ARNT2: variants seen among roughly 807,000 people sequenced by gnomAD.
The protein encoded by ARNT2 is aryl hydrocarbon receptor nuclear translocator 2, also known as ARNT protein 2.
In ARNT2, 36 loss-of-function variants were observed where a neutral mutation model predicts 91.7. That is an observed-to-expected ratio of 0.39 (90% CI 0.30 to 0.52). The LOEUF is 0.52. Ranked by LOEUF, ARNT2 falls within the 20% of genes least tolerant of loss-of-function variation. ARNT2 has a pLI of 0.72. For missense variants in ARNT2, 775 were observed against 939.3 expected (o/e 0.83, Z 2.29); for synonymous variants, 365 against 347.1 (o/e 1.05, Z -0.57).
chr15:80,582,671 C>G (rs1162501293), intron 17 of ARNT2, among the ~76,000 whole-genome samples: 1 of 152,138 alleles, frequency 6.6e-6, no homozygotes, highest in African/African-American at 2.4e-5. Flanking sequence ...CAGCCTTAGT[C>G]CCATTTACTT....
intron 1 of ARNT2, among the ~76,000 whole-genome samples, chr15:80,450,600 GAAAGCTGC>G (rs1288090637): frequency 1.3e-5 from 2 of 152,238 alleles, no homozygotes; most frequent in African/African-American, 4.8e-5. Flanking sequence ...AGTCCCTTAT[GAAAGCTGC>G]TAAGCTCTTT....
chr15:80,569,012 C>T (rs1596018980), intron 12 of ARNT2, among the ~76,000 whole-genome samples: 1 of 152,214 alleles, frequency 6.6e-6, no homozygotes, highest in Non-Finnish European at 1.5e-5. Context: ...CAATTCCAAA[C>T]CCTGTAACAA....
chr15:80,487,668 C>T (rs926771152), intron 5 of ARNT2: 1 of 152,288 alleles, frequency 6.6e-6, no homozygotes, highest in South Asian at 2.1e-4. Context: ...ATAATCGGAC[C>T]CTGAAACCAG....
chr15:80,514,222 A>G, intron 7 of ARNT2, 98 bp from the exon 8 acceptor site: 2 of 1,285,210 alleles, frequency 1.6e-6, no homozygotes, highest in Non-Finnish European at 2.2e-6. Context: ...CCACAAAGGC[A>G]GACAAGGGAA....
At chr15:80,559,193 A>C (rs1898266737) in intron 11 of ARNT2, among the ~76,000 whole-genome samples, 1 of 152,244 alleles carries the variant, frequency 6.6e-6, no homozygotes, top group Non-Finnish European at 1.5e-5. Flanking sequence ...TGGTTTTGAA[A>C]AGACAAAGAA....
intron 8 of ARNT2, among the ~76,000 whole-genome samples, chr15:80,533,227 G>A (rs66923397): frequency 0.38 from 57,363 of 151,992 alleles, 11,323 homozygotes; most frequent in African/African-American, 0.45. Context: ...GAAGGAACTC[G>A]TTTGGGAACT....
chr15:80,526,477 A>G (rs1179649817), intron 8 of ARNT2, among the ~76,000 whole-genome samples: 1 of 152,234 alleles, frequency 6.6e-6, no homozygotes, highest in Non-Finnish European at 1.5e-5. Context: ...CTTCCTTTCT[A>G]GTAACCATCG....
chr15:80,533,886 A>G (rs1897780868), intron 8 of ARNT2, among the ~76,000 whole-genome samples: 1 of 152,194 alleles, frequency 6.6e-6, no homozygotes, highest in African/African-American at 2.4e-5. Context: ...GTGCCCCCTC[A>G]TTCCATTTTC....
Position 80,438,475 on chromosome 15 carries a change from A to G in ARNT2, c.32-12405A>G, listed in dbSNP as rs1195919245. 2.0e-5 allele frequency among the ~76,000 whole-genome samples: 3 copies of G among 152,248 alleles called. No individual in the cohort carries two copies. The East Asian group carries it at 5.8e-4, about 29-fold the overall frequency. Reference sequence around the variant, plus strand: ...AATAAGACTTTTTCTTGAAAGATGCATGGTCTAAACAGAAACAGGTAGAAA... The same window carrying G: ...AATAAGACTTTTTCTTGAAAGATGCGTGGTCTAAACAGAAACAGGTAGAAA... On this transcript the variant is annotated intron_variant, in intron 1 of 18. Coordinates refer to ENST00000303329, the MANE Select transcript of ARNT2 (RefSeq NM_014862.4).
chr15:80,515,185 C>T (rs1345070493), intron 8 of ARNT2, among the ~76,000 whole-genome samples: 2 of 152,186 alleles, frequency 1.3e-5, no homozygotes, highest in Non-Finnish European at 2.9e-5. Flanking sequence ...AGCATAGCCA[C>T]TTGGGAAAAC....
chr15:80,500,912 ACT>A (rs1201545198), intron 5 of ARNT2, among the ~76,000 whole-genome samples: 8 of 152,206 alleles, frequency 5.3e-5, no homozygotes, highest in African/African-American at 1.7e-4. Context: ...TACTTTGTTG[ACT>A]CATGTTATAA....
intron 4 of ARNT2, among the ~76,000 whole-genome samples, chr15:80,471,281 A>G (rs1896727707): frequency 6.6e-6 from 1 of 152,234 alleles, no homozygotes; most frequent in African/African-American, 2.4e-5. Flanking sequence ...GCAGGAACAG[A>G]AAACCAAATA....
At position 80,404,457 on chromosome 15, in the gene ARNT2, G is replaced by C; in HGVS notation, c.-59G>C. 8.7e-7 allele frequency: 1 copy of C among 1,152,020 alleles called. No individual in the cohort carries two copies. Among genetic ancestry groups the C allele is most frequent in the Non-Finnish European group, 1.1e-6 (1 of 915,346 alleles). 71.4% of individuals were successfully genotyped at this position (1,152,020 alleles called of 1,614,324 possible). ...ACCGGGTCCCCGGGGCTGAGCGCCG[G>C]GCTCCGCGCCGCCCCTCCCGCGCCC... On this transcript the variant is annotated 5_prime_UTR_variant, in exon 1 of 19. Coordinates refer to ENST00000303329, the MANE Select transcript of ARNT2 (RefSeq NM_014862.4). This position sits in a 1 kb window ranked among gnomAD's most constrained non-coding sequence, Gnocchi z 5.5.
rs963680099 is a variant in ARNT2, at chr15:80,578,060, C to T, written c.1613+1095C>T. Reference sequence around the variant, plus strand: ...TGCTGAGTTACTCAGCTACTCAGCACGCACTGACCGATCTCCGTTGATGCC... The same window carrying T: ...TGCTGAGTTACTCAGCTACTCAGCATGCACTGACCGATCTCCGTTGATGCC... On this transcript the variant is annotated intron_variant, in intron 15 of 18. Transcript: ENST00000303329. Among the ~76,000 whole-genome samples the T allele has an allele frequency of 6.6e-5, 10 of 151,822 alleles. 1 individual carries two copies. The highest frequency in any genetic ancestry group is 4.1e-4 in the South Asian group (2 of 4,830).
At chr15:80,469,939 A>G (rs912934587) in intron 3 of ARNT2, among the ~76,000 whole-genome samples, 4 of 152,212 alleles carry the variant, frequency 2.6e-5, no homozygotes, top group African/African-American at 9.7e-5. Flanking sequence ...TTTTATGCTT[A>G]CAAAAATACC....
rs1432177808 is a variant in ARNT2 at position 80,597,754 on chromosome 15, T to A, written c.*4056T>A. ...TTCATAAGCAGGTGTCAGTGGACAG[T>A]TTAAGTACTTAACCATTTCTCTTTC... On this transcript the variant is annotated 3_prime_UTR_variant, in exon 19 of 19. Coordinates refer to ENST00000303329, the MANE Select transcript of ARNT2 (RefSeq NM_014862.4). 1 of 156,746 alleles carries A rather than the reference T, an allele frequency of 6.4e-6. No individual in the cohort carries two copies. The highest frequency in any genetic ancestry group is 1.8e-4 in the East Asian group (1 of 5,408). 9.7% of individuals were successfully genotyped at this position (156,746 alleles called of 1,614,324 possible).
chr15:80,515,509 A>C (rs1897419740), intron 8 of ARNT2, among the ~76,000 whole-genome samples: 1 of 152,212 alleles, frequency 6.6e-6, no homozygotes, highest in African/African-American at 2.4e-5. Flanking sequence ...ATATGATTTC[A>C]TTTATGTAAA....
chr15:80,483,744 A>C (rs542187526), intron 5 of ARNT2, among the ~76,000 whole-genome samples: 5 of 152,334 alleles, frequency 3.3e-5, no homozygotes, highest in African/African-American at 1.2e-4. Context: ...CCAGTTATAC[A>C]TGATGCTGCA....
intron 5 of ARNT2, among the ~76,000 whole-genome samples, chr15:80,481,321 G>A (rs938108047): frequency 6.6e-6 from 1 of 152,176 alleles, no homozygotes; most frequent in South Asian, 2.1e-4. Flanking sequence ...GCATTTCCAT[G>A]AGAGTTTAAA....
Sources: allele counts gnomAD v4.1 joint callset (sites outside exome capture counted in the v4.1 genomes callset), GRCh38; gene constraint gnomAD v4.1.1; non-coding constraint Gnocchi (gnomAD v3.1); transcripts MANE v1.5; gene names NCBI Gene and HGNC (gene_info 2026-07-23, HGNC 2026-07-21).